The following SRPK2 variants were observed in gnomAD, a reference collection of about 807,000 sequenced individuals.
The protein encoded by SRPK2 is SRSF protein kinase 2, also known as SFRS protein kinase 2.
In SRPK2, 21 loss-of-function variants were observed where a neutral mutation model predicts 90.8. The observed-to-expected ratio is 0.23, with a 90% CI of 0.16 to 0.33. SRPK2 has a LOEUF of 0.33. Among genes scored for constraint, SRPK2 ranks in the 10% least tolerant of loss-of-function variants. The pLI, the probability that SRPK2 is intolerant of heterozygous loss-of-function variation, is 1.00. For synonymous variants in SRPK2, 288 were observed against 311.1 expected, an observed-to-expected ratio of 0.93 and a Z score of 0.78; for missense variants, 620 against 869.0, an observed-to-expected ratio of 0.71 and a Z score of 3.60.
At chr7:105,259,260 T>A (rs1014139462) in intron 2 of SRPK2, among the ~76,000 whole-genome samples, 1 of 152,170 alleles carries the variant, frequency 6.6e-6, no homozygotes, top group Non-Finnish European at 1.5e-5. Flanking sequence ...GAGAGCCAAA[T>A]CATGAGTGAA....
rs117592187 is a variant in SRPK2 at position 105,296,881 on chromosome 7, A to G, written c.71+91767T>C. Reference sequence around the variant, plus strand: ...GAGAAAACTAAAGCAGAGAGGTTAAATAGCTTGGCCCAAGGTCATACAGCT... The same window carrying G: ...GAGAAAACTAAAGCAGAGAGGTTAAGTAGCTTGGCCCAAGGTCATACAGCT... On this transcript the variant is annotated intron_variant, in intron 2 of 15. Transcript: ENST00000393651. Among the ~76,000 whole-genome samples, 432 of 152,330 alleles carry G rather than the reference A, an allele frequency of 2.8e-3. 11 individuals are homozygous for G. The East Asian group carries it at 0.055, about 19-fold the overall frequency.
intron 7 of SRPK2, among the ~76,000 whole-genome samples, chr7:105,154,855 A>T (rs942213930): frequency 2.7e-5 from 4 of 149,552 alleles, no homozygotes; most frequent in Non-Finnish European, 5.9e-5. Context: ...TTGTATTTTT[A>T]GTAGAGATGG....
At position 105,142,506 on chromosome 7, in the gene SRPK2, G is replaced by C. The variant is rs1224520669; in HGVS notation, c.1061-16C>G. 1.3e-6 allele frequency: 2 copies of C among 1,589,216 alleles called. No individual in the cohort carries two copies. Among genetic ancestry groups the C allele is most frequent in the Admixed American group, 3.6e-5 (2 of 56,284 alleles). ...TCAGCTTCACCTTAAGAATTTGATG[G>C]GTCAAGAATTAGAACTTGTTACTCT... is the stretch of plus-strand genomic sequence containing the variant. On this transcript the variant is annotated splice_polypyrimidine_tract_variant and intron_variant, in intron 10 of 15. Coordinates refer to ENST00000393651, the MANE Select transcript of SRPK2 (RefSeq NM_182692.3).
intron 2 of SRPK2, among the ~76,000 whole-genome samples, chr7:105,208,016 A>G (rs897220562): frequency 5.3e-5 from 8 of 152,216 alleles, no homozygotes; most frequent in African/African-American, 1.9e-4. Flanking sequence ...CAAAGAGGAT[A>G]TACACATGAC....
rs575032665 is a variant in SRPK2, at chr7:105,128,994, G to C, written c.1753-1932C>G. On this transcript the variant is annotated intron_variant, in intron 13 of 15. Transcript: ENST00000393651. ...CAATGAAATAATTTTTTTTTGAGAC[G>C]GAGTCTCGCTCTGTCACCCAGGCTG... Among the ~76,000 whole-genome samples the C allele has an allele frequency of 6.6e-5, 10 of 152,150 alleles. No homozygotes were observed. The East Asian group carries it at 1.7e-3, about 26-fold the overall frequency.
chr7:105,380,397 T>C (rs1260265486), intron 2 of SRPK2, among the ~76,000 whole-genome samples: 1 of 152,156 alleles, frequency 6.6e-6, no homozygotes, highest in Non-Finnish European at 1.5e-5. Context: ...AAAAGATCAA[T>C]GCACTTTACA....
At chr7:105,389,485 C>A (rs1822080796), upstream of SRPK2, 3 of 1,051,644 alleles carry the variant, frequency 2.9e-6, no homozygotes, top group Non-Finnish European at 3.6e-6. Flanking sequence ...TCTCCCACCT[C>A]TAAGTGCCCT....
intron 3 of SRPK2, among the ~76,000 whole-genome samples, chr7:105,176,695 A>G (rs117189085): frequency 0.054 from 4,049 of 75,284 alleles, 85 homozygotes; most frequent in Non-Finnish European, 0.079. Context: ...GTGTGTACAT[A>G]TATATGTATG....
At chr7:105,303,799 T>C (rs1254066450) in intron 2 of SRPK2, among the ~76,000 whole-genome samples, 1 of 152,156 alleles carries the variant, frequency 6.6e-6, no homozygotes, top group African/African-American at 2.4e-5. Flanking sequence ...AATGGTTACA[T>C]AGTAAAAAAA....
At chr7:105,332,100 C>A (rs1814488162) in intron 2 of SRPK2, among the ~76,000 whole-genome samples, 1 of 152,118 alleles carries the variant, frequency 6.6e-6, no homozygotes, top group Non-Finnish European at 1.5e-5. Context: ...ACCAACAAAA[C>A]AAGGGCGAAT....
chr7:105,149,598 T>TC (rs1805312815), intron 7 of SRPK2, among the ~76,000 whole-genome samples: 1 of 152,212 alleles, frequency 6.6e-6, no homozygotes, highest in Non-Finnish European at 1.5e-5. Flanking sequence ...GTCTTATTTC[T>TC]TTTCTCAGTC....
chr7:105,230,369 T>G (rs1799274315), intron 2 of SRPK2, among the ~76,000 whole-genome samples: 1 of 152,086 alleles, frequency 6.6e-6, no homozygotes, highest in Admixed American at 6.5e-5. Flanking sequence ...TGAATGTAGC[T>G]GCAAAGGTGG....
At chr7:105,285,669 T>C (rs962546449) in intron 2 of SRPK2, among the ~76,000 whole-genome samples, 2 of 152,066 alleles carry the variant, frequency 1.3e-5, no homozygotes, top group Non-Finnish European at 2.9e-5. Context: ...TGAGATCTGA[T>C]TGTTTAAAAG....
intron 3 of SRPK2, among the ~76,000 whole-genome samples, chr7:105,199,767 A>G (rs1010218864): frequency 6.6e-6 from 1 of 152,218 alleles, no homozygotes; most frequent in Non-Finnish European, 1.5e-5. Flanking sequence ...ATAAATAAAT[A>G]TAAACATAAA....
At chr7:105,287,278 A>G (rs1279178966) in intron 2 of SRPK2, among the ~76,000 whole-genome samples, 3 of 137,908 alleles carry the variant, frequency 2.2e-5, no homozygotes, top group East Asian at 4.1e-4. Context: ...AAAAAAAAAA[A>G]AAAAAAGAAG....
At chr7:105,143,408 A>C (rs1173822759) in intron 9 of SRPK2, 78 bp from the exon 10 acceptor site, 1 of 1,516,354 alleles carries the variant, frequency 6.6e-7, no homozygotes, top group Non-Finnish European at 8.9e-7. Context: ...CAGCATGGCA[A>C]ATAGCAATAA....
chr7:105,329,135 C>T lies in SRPK2; in HGVS notation c.71+59513G>A, dbSNP rs181737971. On this transcript the variant is annotated intron_variant, in intron 2 of 15. Transcript: ENST00000393651. ...CTATAGGGCCAGTTTTAACCACCTC[C>T]CCCAAATTTTTTTCTCCCACATTGC... 8.5e-5 allele frequency among the ~76,000 whole-genome samples: 13 copies of T among 152,214 alleles called. No individual in the cohort carries two copies. The East Asian group carries it at 2.5e-3, about 29-fold the overall frequency.
At chr7:105,209,076 G>A (rs1046687313) in intron 2 of SRPK2, among the ~76,000 whole-genome samples, 1 of 152,198 alleles carries the variant, frequency 6.6e-6, no homozygotes, top group African/African-American at 2.4e-5. Context: ...AAATATCTAT[G>A]TAGAGATTTA....
chr7:105,302,953 A>G (rs1237031500), intron 2 of SRPK2, among the ~76,000 whole-genome samples: 1 of 151,522 alleles, frequency 6.6e-6, no homozygotes, highest in Non-Finnish European at 1.5e-5. Context: ...GGGCGCCTGT[A>G]GTCCCAGCTA....
Sources: allele counts gnomAD v4.1 joint callset (sites outside exome capture counted in the v4.1 genomes callset), GRCh38; gene constraint gnomAD v4.1.1; transcripts MANE v1.5; gene names NCBI Gene and HGNC (gene_info 2026-07-23, HGNC 2026-07-21).